XBP1: variants seen among roughly 807,000 people sequenced by gnomAD.
XBP1 encodes X-box-binding protein 1.
XBP1 carries 18 observed loss-of-function variants against 34.6 expected under a neutral mutation model. The ratio of observed to expected loss-of-function variants is 0.52; its 90% CI spans 0.36 to 0.77. The LOEUF is 0.77. Among genes scored for constraint, XBP1 ranks in the 30% least tolerant of loss-of-function variants. The pLI, the probability that XBP1 is intolerant of heterozygous loss-of-function variation, is 0.00. For synonymous variants in XBP1, 191 were observed against 193.4 expected, an observed-to-expected ratio of 0.99 and a Z score of 0.11; for missense variants, 422 against 464.6, an observed-to-expected ratio of 0.91 and a Z score of 0.84.
At chr22:28,800,152 C>A in intron 1 of XBP1, 146 bp downstream of exon 1, 1 of 961,396 alleles carries the variant, frequency 1.0e-6, no homozygotes, top group Non-Finnish European at 1.6e-6. Flanking sequence ...CCCCGCCCCG[C>A]GCCACGCTGG....
exon 3 of XBP1, chr22:28,797,123 C>T (rs767536869): frequency 3.7e-6 from 6 of 1,613,142 alleles, no homozygotes; most frequent in Admixed American, 1.7e-5. Flanking sequence ...CATCCCCAAG[C>T]GCTGTCTTAA....
chr22:28,799,128 G>A lies in XBP1; in HGVS notation c.253C>T (p.Gln85Ter), dbSNP rs1295948729. Reference sequence around the variant, plus strand: ...GCCTTCTTTCGATCTCTGGCAGTCTGAGCTGCTACTCTGTTTTTCAGTTTC... The same window carrying A: ...GCCTTCTTTCGATCTCTGGCAGTCTAAGCTGCTACTCTGTTTTTCAGTTTC... Residue 85 changes from glutamine (Q) to a stop codon, truncating the protein, a stop_gained, in exon 2 of 6, where the codon CAG (glutamine) becomes TAG (stop). Coordinates refer to ENST00000344347, the Ensembl canonical transcript of XBP1. LOFTEE classifies it high-confidence loss of function. 6.2e-7 allele frequency: 1 copy of A among 1,614,002 alleles called. No homozygotes were observed. The highest frequency in any genetic ancestry group is 2.2e-5 in the East Asian group (1 of 44,878).
exon 1 of XBP1, chr22:28,800,455 G>C (rs1223883748): frequency 1.4e-6 from 2 of 1,472,536 alleles, no homozygotes; most frequent in African/African-American, 1.5e-5. Context: ...GCGGAGGCGG[G>C]CTGCCCCGAC....
exon 2 of XBP1, chr22:28,799,112 C>T (rs752517775): frequency 6.2e-7 from 1 of 1,614,146 alleles, no homozygotes. Context: ...AGCCTTCTTT[C>T]GATCTCTGGC....
At chr22:28,799,674 G>A (rs1041735741) in intron 1 of XBP1, among the ~76,000 whole-genome samples, 13 of 152,042 alleles carry the variant, frequency 8.6e-5, no homozygotes, top group Admixed American at 3.9e-4. Flanking sequence ...TCTGTTGGAG[G>A]AGACACTTTT....
intron 1 of XBP1, among the ~76,000 whole-genome samples, chr22:28,799,456 C>T (rs2031823539): frequency 6.6e-6 from 1 of 152,190 alleles, no homozygotes; most frequent in South Asian, 2.1e-4. Context: ...AGGAACTTTC[C>T]TCTTTCCCCA....
chr22:28,795,171 T>C (rs1234146197), downstream of XBP1: 6 of 1,498,176 alleles, frequency 4.0e-6, no homozygotes, highest in African/African-American at 1.4e-5. Flanking sequence ...TATTGGATCA[T>C]TCCTTAGACA....
intron 3 of XBP1, chr22:28,796,398 A>T: frequency 2.3e-6 from 1 of 432,574 alleles, no homozygotes; most frequent in Non-Finnish European, 3.9e-6. Flanking sequence ...CTTTGCCTGG[A>T]GGAGGAAAAA....
intron 1 of XBP1, 81 bp from the exon 2 acceptor site, chr22:28,799,234 C>T (rs2031817110): frequency 9.4e-7 from 1 of 1,059,162 alleles, no homozygotes; most frequent in Non-Finnish European, 1.4e-6. Context: ...CCAGCTGGTG[C>T]TTTCATTTTT....
exon 4 of XBP1, chr22:28,796,190 C>A: frequency 6.5e-7 from 1 of 1,547,650 alleles, no homozygotes; most frequent in Non-Finnish European, 8.7e-7. Context: ...TCACTTCATT[C>A]CCCTGGGAGG....
intron 3 of XBP1, chr22:28,796,479 G>T: frequency 3.8e-6 from 1 of 261,768 alleles, no homozygotes; most frequent in Non-Finnish European, 7.2e-6. Flanking sequence ...ACTTAAAAGT[G>T]GAAATAACAA....
chr22:28,795,933 C>T (rs1234528338), intron 5 of XBP1, 114 bp downstream of exon 5: 30 of 1,429,346 alleles, frequency 2.1e-5, no homozygotes, highest in Non-Finnish European at 2.9e-5. Flanking sequence ...TGTTCACCTC[C>T]AACCCCACCA....
At chr22:28,796,933 T>G in intron 3 of XBP1, 144 bp downstream of exon 3, 1 of 1,018,454 alleles carries the variant, frequency 9.8e-7, no homozygotes, top group Non-Finnish European at 1.4e-6. Flanking sequence ...GGAAGAACAC[T>G]CTGCCTGCAT....
exon 1 of XBP1, chr22:28,800,441 G>T (rs1336290668): frequency 6.8e-7 from 1 of 1,473,892 alleles, no homozygotes; most frequent in African/African-American, 1.5e-5. Flanking sequence ...CCGGGGCTCC[G>T]GCGGCGGAGG....
intron 2 of XBP1, chr22:28,798,760 C>A (rs564880987): frequency 5.2e-4 from 111 of 211,938 alleles, no homozygotes; most frequent in Non-Finnish European, 8.8e-4. Context: ...CAGGCACTCA[C>A]GCTTGGCCTT....
At chr22:28,797,008 C>G in intron 3 of XBP1, 69 bp downstream of exon 3, 1 of 1,533,612 alleles carries the variant, frequency 6.5e-7, no homozygotes, top group South Asian at 1.3e-5. Context: ...AGACTGTAAA[C>G]ATAATCGCTG....
intron 1 of XBP1, 123 bp downstream of exon 1, chr22:28,800,175 A>C: frequency 8.4e-7 from 1 of 1,186,060 alleles, no homozygotes; most frequent in Non-Finnish European, 1.2e-6. Context: ...CCGACCCGCC[A>C]GGCCAAAGGC....
At chr22:28,800,551 C>A (rs2031867754), upstream of XBP1, 4 of 1,471,640 alleles carry the variant, frequency 2.7e-6, no homozygotes, top group Non-Finnish European at 3.6e-6. Context: ...CCGCGCACCG[C>A]GCGCCGCAGC....
At chr22:28,800,234 T>C (rs917403845) in intron 1 of XBP1, 64 bp downstream of exon 1, 6 of 1,504,148 alleles carry the variant, frequency 4.0e-6, no homozygotes, top group African/African-American at 1.4e-5. Context: ...TCCCAGCCCC[T>C]GCCCCTGCCC....
Sources: gnomAD v4.1 joint callset for allele counts (sites outside exome capture counted in the v4.1 genomes callset) on GRCh38, gnomAD v4.1.1 for gene constraint, MANE v1.5 for transcripts, NCBI Gene and HGNC (gene_info 2026-07-23, HGNC 2026-07-21) for gene names.